Variants in FANCC observed in about 807,000 individuals in gnomAD.
The protein encoded by FANCC is Fanconi anemia group C protein.
Under a neutral mutation model 71.3 loss-of-function variants are expected in FANCC, and 55 were observed. The observed-to-expected ratio is 0.77, with a 90% CI of 0.62 to 0.97. The LOEUF is 0.97. Ranked by LOEUF, FANCC falls within the 50% of genes least tolerant of loss-of-function variation. The pLI is 0.00. For synonymous variants in FANCC, 275 were observed against 244.9 expected, an observed-to-expected ratio of 1.12 and a Z score of -1.15; for missense variants, 678 against 670.9, an observed-to-expected ratio of 1.01 and a Z score of -0.12.
intron 6 of FANCC, 76 bp from the exon 7 acceptor site, chr9:95,150,163 TA>T (rs2135430290): frequency 6.6e-7 from 1 of 1,520,616 alleles, no homozygotes; most frequent in Non-Finnish European, 9.1e-7. Context: ...ACCTTCATGC[TA>T]AAAAGGTCAA....
chr9:95,303,861 G>A (rs577003566), intron 1 of FANCC, among the ~76,000 whole-genome samples: 7 of 152,244 alleles, frequency 4.6e-5, no homozygotes, highest in Non-Finnish European at 8.8e-5. Flanking sequence ...TCCTTAATTA[G>A]CTTTCTTGTA....
intron 10 of FANCC, chr9:95,123,701 G>A (rs368201235): frequency 2.0e-5 from 14 of 683,538 alleles, no homozygotes; most frequent in South Asian, 1.6e-4. Context: ...CGTCTTTGAT[G>A]CCTATGTGCT....
chr9:95,117,496 A>G, intron 10 of FANCC, 106 bp from the exon 11 acceptor site: 1 of 810,880 alleles, frequency 1.2e-6, no homozygotes. Flanking sequence ...CACCAGTACT[A>G]ACATGGTCAG....
At chr9:95,177,942 A>T (rs1826112547) in intron 4 of FANCC, among the ~76,000 whole-genome samples, 1 of 152,230 alleles carries the variant, frequency 6.6e-6, no homozygotes, top group African/African-American at 2.4e-5. Flanking sequence ...AGAATCAGAG[A>T]GGGGATCGGG....
chr9:95,317,073 G>C (rs962895278), intron 1 of FANCC: 3 of 152,424 alleles, frequency 2.0e-5, no homozygotes, highest in African/African-American at 7.2e-5. Flanking sequence ...GAGGGCGACC[G>C]GCTCAAAGGG....
At chr9:95,181,572 C>T (rs918468051) in intron 4 of FANCC, among the ~76,000 whole-genome samples, 1 of 152,126 alleles carries the variant, frequency 6.6e-6, no homozygotes, top group Non-Finnish European at 1.5e-5. Flanking sequence ...TCTTGGAGAT[C>T]CTTTACTCTA....
intron 1 of FANCC, among the ~76,000 whole-genome samples, chr9:95,288,686 G>C (rs1818219742): frequency 6.6e-6 from 1 of 151,094 alleles, no homozygotes; most frequent in African/African-American, 2.4e-5. Flanking sequence ...TGATTAGTTT[G>C]TTGATAATCT....
chr9:95,152,568 T>C lies in FANCC; in HGVS notation c.522-2481A>G, dbSNP rs1389846207. Among the ~76,000 whole-genome samples, 3 of 152,234 alleles carry C rather than the reference T, an allele frequency of 2.0e-5. No individual in the cohort carries two copies. In the East Asian group the frequency reaches 5.8e-4, roughly 29 times the overall value. ...CACTGTAGGGGCCTGCATATTCTTT[T>C]TGTAAAAATTTAGTTTTCATTTTTA... is the stretch of plus-strand genomic sequence containing the variant. On this transcript the variant is annotated intron_variant, in intron 6 of 14. Coordinates refer to ENST00000289081, the MANE Select transcript of FANCC (RefSeq NM_000136.3).
chr9:95,216,838 C>T (rs1311110681), intron 4 of FANCC, among the ~76,000 whole-genome samples: 1 of 152,114 alleles, frequency 6.6e-6, no homozygotes, highest in Non-Finnish European at 1.5e-5. Flanking sequence ...TTATAAAATC[C>T]TTTGTCTCTG....
chr9:95,197,551 C>A (rs1827535541), intron 4 of FANCC, among the ~76,000 whole-genome samples: 1 of 152,016 alleles, frequency 6.6e-6, no homozygotes, highest in African/African-American at 2.4e-5. Context: ...ACAAACAAAC[C>A]CCAATATAAT....
intron 4 of FANCC, among the ~76,000 whole-genome samples, chr9:95,181,711 T>A (rs529857184): frequency 5.4e-4 from 82 of 152,330 alleles, no homozygotes; most frequent in Middle Eastern, 6.8e-3. Context: ...TGACCACTGA[T>A]ATAAAATCTT....
chr9:95,196,297 T>C (rs1311670973), intron 4 of FANCC, among the ~76,000 whole-genome samples: 1 of 152,222 alleles, frequency 6.6e-6, no homozygotes, highest in Non-Finnish European at 1.5e-5. Flanking sequence ...GGGAGATTTT[T>C]TTTTTAAATC....
intron 6 of FANCC, among the ~76,000 whole-genome samples, chr9:95,155,058 T>C (rs1264393636): frequency 1.3e-5 from 2 of 148,958 alleles, no homozygotes; most frequent in Non-Finnish European, 3.0e-5. Flanking sequence ...AATACAAAAA[T>C]TAGCTGGGTG....
chr9:95,140,511 G>C (rs978907401), intron 7 of FANCC, among the ~76,000 whole-genome samples: 4 of 151,356 alleles, frequency 2.6e-5, no homozygotes, highest in African/African-American at 9.7e-5. Flanking sequence ...CCAGAATGCA[G>C]AATTAAATTC....
chr9:95,270,094 T>C (rs145819558), intron 1 of FANCC, among the ~76,000 whole-genome samples: 4 of 152,226 alleles, frequency 2.6e-5, no homozygotes, highest in African/African-American at 9.6e-5. Flanking sequence ...GCAGAAGAAT[T>C]TTTCTTAGTA....
At chr9:95,111,423 G>A (rs2071921274) in intron 13 of FANCC, 40 bp downstream of exon 13, 3 of 1,602,202 alleles carry the variant, frequency 1.9e-6, no homozygotes. Flanking sequence ...CAGCCCCCCA[G>A]AGCCCACCCC....
In FANCC at chr9:95,151,542, G is replaced by A. The variant is rs527332002; in HGVS notation, c.522-1455C>T. Among the ~76,000 whole-genome samples, 50 of 152,294 alleles carry A rather than the reference G, an allele frequency of 3.3e-4. 2 individuals carry two copies. In the South Asian group the frequency reaches 9.3e-3, roughly 28 times the overall value. ...CAATGCCACTATCAGTAGGCACTGAGGCTGTTTCTGGTTTTTCACTATTCA... is the reference window on the plus strand; with the variant it reads ...CAATGCCACTATCAGTAGGCACTGAAGCTGTTTCTGGTTTTTCACTATTCA... On this transcript the variant is annotated intron_variant, in intron 6 of 14. Transcript: ENST00000289081.
At chr9:95,266,257 T>A (rs1832378594) in intron 1 of FANCC, among the ~76,000 whole-genome samples, 1 of 152,144 alleles carries the variant, frequency 6.6e-6, no homozygotes, top group African/African-American at 2.4e-5. Context: ...ATATAAAAAA[T>A]ATACAAATTA....
At chr9:95,305,543 C>A (rs1835027939) in intron 1 of FANCC, among the ~76,000 whole-genome samples, 1 of 152,168 alleles carries the variant, frequency 6.6e-6, no homozygotes, top group African/African-American at 2.4e-5. Context: ...CTAATACAAT[C>A]CTTAAACAGC....
Sources: gnomAD v4.1 joint callset for allele counts (sites outside exome capture counted in the v4.1 genomes callset) on GRCh38, gnomAD v4.1.1 for gene constraint, MANE v1.5 for transcripts, NCBI Gene and HGNC (gene_info 2026-07-23, HGNC 2026-07-21) for gene names.